PHLDB2: variants seen among roughly 807,000 people sequenced by gnomAD.
PHLDB2 encodes the protein pleckstrin homology-like domain family B member 2.
A neutral mutation model predicts 123.6 loss-of-function variants in PHLDB2; 71 were observed. That is an observed-to-expected ratio of 0.57 (90% CI 0.47 to 0.70). The LOEUF is 0.70. PHLDB2 is among the 30% of genes least tolerant of loss of function. The pLI, the probability that PHLDB2 is intolerant of heterozygous loss-of-function variation, is 0.00. For synonymous variants in PHLDB2, 547 were observed against 541.6 expected (o/e 1.01, Z -0.14); for missense variants, 1,446 against 1,519.5 (o/e 0.95, Z 0.80).
chr3:111,790,530 CAGGAGCCAG>C (rs2060872743), intron 1 of PHLDB2, among the ~76,000 whole-genome samples: 1 of 152,216 alleles, frequency 6.6e-6, no homozygotes. Context: ...TATTGCAACT[CAGGAGCCAG>C]ACTATGACAG....
rs535958299 is a variant in PHLDB2 at position 111,930,707 on chromosome 3, TTAA to T, written c.2002-1557_2002-1555del. ...GCACACGTGGGCATCCTTTGTTCTG[TTAA>T]TAATGCCATTGCTTTCTCCAACTCT... On this transcript the variant is annotated intron_variant, in intron 5 of 17. Coordinates refer to ENST00000431670, the MANE Select transcript of PHLDB2 (RefSeq NM_001134438.2). Among the ~76,000 whole-genome samples, 396 of 152,336 alleles carry T rather than the reference TTAA, an allele frequency of 2.6e-3. 2 individuals are homozygous for T. Among genetic ancestry groups the T allele is most frequent in the African/African-American group, 9.4e-3 (390 of 41,562 alleles).
rs540060932 is a variant in PHLDB2 at position 111,807,073 on chromosome 3, T to C, written c.-48-38748T>C. Among the ~76,000 whole-genome samples, 28 of 151,676 alleles carry C rather than the reference T, an allele frequency of 1.8e-4. 1 individual carries two copies. In the Middle Eastern group the frequency reaches 0.021, roughly 111 times the overall value. On this transcript the variant is annotated intron_variant, in intron 1 of 17. Transcript: ENST00000393923. Reference sequence around the variant, plus strand: ...ACCATGCTATTGTCAGGATACAGTATACTAGATACAGGATACTAGAATAGG... The same window carrying C: ...ACCATGCTATTGTCAGGATACAGTACACTAGATACAGGATACTAGAATAGG...
intron 1 of PHLDB2, among the ~76,000 whole-genome samples, chr3:111,733,331 G>A (rs1474786595): frequency 1.3e-5 from 2 of 152,198 alleles, no homozygotes; most frequent in African/African-American, 2.4e-5. Flanking sequence ...TTCTTACCCT[G>A]AATCAGGAGG....
chr3:111,906,177 T>C (rs2067523081), intron 2 of PHLDB2, among the ~76,000 whole-genome samples: 1 of 152,254 alleles, frequency 6.6e-6, no homozygotes, highest in Admixed American at 6.5e-5. Context: ...AGGTGTGTAG[T>C]AGGCTAATAC....
intron 2 of PHLDB2, among the ~76,000 whole-genome samples, chr3:111,904,797 G>A (rs1299896410): frequency 3.3e-5 from 5 of 152,148 alleles, no homozygotes; most frequent in Non-Finnish European, 7.4e-5. Flanking sequence ...GTGCAGTGGT[G>A]CAGGCAGAGG....
intron 1 of PHLDB2, among the ~76,000 whole-genome samples, chr3:111,752,658 A>G (rs1006701519): frequency 4.6e-5 from 7 of 151,366 alleles, no homozygotes; most frequent in Admixed American, 3.3e-4. Context: ...TTATTTTATT[A>G]TTATTATACT....
intron 8 of PHLDB2, among the ~76,000 whole-genome samples, chr3:111,941,341 G>C (rs894245807): frequency 6.6e-6 from 1 of 152,188 alleles, no homozygotes; most frequent in Non-Finnish European, 1.5e-5. Flanking sequence ...GCTAGTCTCA[G>C]ATCTGAACCC....
At chr3:111,908,315 T>C (rs1293594866) in intron 2 of PHLDB2, among the ~76,000 whole-genome samples, 1 of 152,252 alleles carries the variant, frequency 6.6e-6, no homozygotes, top group Non-Finnish European at 1.5e-5. Flanking sequence ...GTAGGATCCC[T>C]GAGTCCCTCA....
intron 1 of PHLDB2, among the ~76,000 whole-genome samples, chr3:111,873,109 G>C (rs2065426170): frequency 6.6e-6 from 1 of 152,128 alleles, no homozygotes; most frequent in South Asian, 2.1e-4. Flanking sequence ...AAGAAGAAAT[G>C]GTGCATGGCT....
intron 1 of PHLDB2, among the ~76,000 whole-genome samples, chr3:111,755,630 GT>G (rs1329091546): frequency 6.9e-6 from 1 of 145,156 alleles, no homozygotes; most frequent in African/African-American, 2.7e-5. Flanking sequence ...TGTTTGAAGG[GT>G]TTTTTGTGTC....
chr3:111,936,881 T>C (rs749331615), intron 6 of PHLDB2, among the ~76,000 whole-genome samples: 2 of 152,214 alleles, frequency 1.3e-5, no homozygotes, highest in African/African-American at 4.8e-5. Flanking sequence ...GTGCTTATTA[T>C]GTCAGCCAGT....
At chr3:111,740,973 G>T (rs1009879226) in intron 1 of PHLDB2, among the ~76,000 whole-genome samples, 1 of 151,570 alleles carries the variant, frequency 6.6e-6, no homozygotes, top group African/African-American at 2.4e-5. Context: ...TATGAACAAT[G>T]ATGACAAGGT....
At chr3:111,875,120 C>A (rs1419160294) in intron 1 of PHLDB2, among the ~76,000 whole-genome samples, 1 of 151,976 alleles carries the variant, frequency 6.6e-6, no homozygotes, top group Non-Finnish European at 1.5e-5. Context: ...ATGTTGCAGT[C>A]TTCAATATTT....
intron 1 of PHLDB2, among the ~76,000 whole-genome samples, chr3:111,762,726 C>A (rs966843309): frequency 5.9e-5 from 9 of 152,174 alleles, no homozygotes; most frequent in Admixed American, 1.3e-4. Context: ...TTCTGTAACA[C>A]AATACCCAGC....
chr3:111,925,376 T>C (rs1424034638), intron 5 of PHLDB2, among the ~76,000 whole-genome samples: 1 of 152,194 alleles, frequency 6.6e-6, no homozygotes, highest in Non-Finnish European at 1.5e-5. Flanking sequence ...CCCTTAGGGG[T>C]ACCACTGTTA....
At chr3:111,879,206 A>G (rs149625700) in intron 1 of PHLDB2, among the ~76,000 whole-genome samples, 3,567 of 152,276 alleles carry the variant, frequency 0.023, 59 homozygotes, top group Non-Finnish European at 0.031. Flanking sequence ...TTGGTAGGCT[A>G]CTAATTGCTG....
At chr3:111,940,764 T>G (rs1285657632) in intron 8 of PHLDB2, 119 bp downstream of exon 8, 1 of 447,104 alleles carries the variant, frequency 2.2e-6, no homozygotes, top group Non-Finnish European at 4.0e-6. Flanking sequence ...TAAGGAAGAT[T>G]TTTATATACT....
Position 111,884,337 on chromosome 3 carries a change from A to G in PHLDB2, c.260A>G (p.Lys87Arg), listed in dbSNP as rs1032623405. 1.4e-5 allele frequency: 22 copies of G among 1,614,062 alleles called. No homozygotes were observed. The highest frequency in any genetic ancestry group is 1.8e-5 in the Non-Finnish European group (21 of 1,180,040). Reference protein sequence around the residue: ...TSVRSSPSLAKIQGSKQFSYD... With the variant: ...TSVRSSPSLARIQGSKQFSYD... ...GTCAGAAGCAGCCCCTCCTTAGCCA[A>G]AATCCAGGGAAGCAAGCAGTTCTCT... is the stretch of plus-strand genomic sequence containing the variant. Residue 87 changes from lysine (K) to arginine (R), a missense_variant, in exon 2 of 18, where the codon AAA becomes AGA. Lys to Arg is a conservative substitution (Grantham distance 26). Transcript: ENST00000431670.
At chr3:111,858,454 A>T (rs1301355912), upstream of PHLDB2, among the ~76,000 whole-genome samples, 1 of 152,234 alleles carries the variant, frequency 6.6e-6, no homozygotes, top group African/African-American at 2.4e-5. Context: ...CATGTATCCC[A>T]GAACTTAAAG....
Sources: allele counts gnomAD v4.1 joint callset (sites outside exome capture counted in the v4.1 genomes callset), GRCh38; gene constraint gnomAD v4.1.1; transcripts MANE v1.5; gene names NCBI Gene and HGNC (gene_info 2026-07-23, HGNC 2026-07-21).